The following PTPRD variants were observed in gnomAD, a reference collection of about 807,000 sequenced individuals.
PTPRD encodes the protein protein tyrosine phosphatase receptor type D.
Under a neutral mutation model 214.5 loss-of-function variants are expected in PTPRD, and 34 were observed. The ratio of observed to expected loss-of-function variants is 0.16; its 90% CI spans 0.12 to 0.21. The LOEUF (loss-of-function observed/expected upper bound fraction) is 0.21, where lower values mean the gene tolerates loss of function less well. Ranked by LOEUF, PTPRD falls within the 10% of genes least tolerant of loss-of-function variation. The pLI, the probability that PTPRD is intolerant of heterozygous loss-of-function variation, is 1.00. For synonymous variants in PTPRD, 1,128 were observed against 845.7 expected, an observed-to-expected ratio of 1.33 and a Z score of -5.79; for missense variants, 2,545 against 2,398.7, an observed-to-expected ratio of 1.06 and a Z score of -1.27.
At chr9:8,711,102 C>A (rs1300680258) in intron 12 of PTPRD, among the ~76,000 whole-genome samples, 1 of 151,952 alleles carries the variant, frequency 6.6e-6, no homozygotes, top group African/African-American at 2.4e-5. Flanking sequence ...CATGCCATAA[C>A]TCAACATAAT....
At chr9:8,504,531 G>T in intron 22 of PTPRD, 126 bp from the exon 23 acceptor site, 1 of 1,091,390 alleles carries the variant, frequency 9.2e-7, no homozygotes, top group Non-Finnish European at 1.3e-6. Flanking sequence ...CACCAAAAGA[G>T]TCAATAGTGA....
intron 11 of PTPRD, among the ~76,000 whole-genome samples, chr9:8,931,093 A>G (rs77835962): frequency 0.12 from 17,685 of 152,024 alleles, 1,167 homozygotes; most frequent in South Asian, 0.19. Flanking sequence ...TTATGGGTTT[A>G]GGTCTGACAT....
intron 3 of PTPRD, among the ~76,000 whole-genome samples, chr9:10,290,359 G>A (rs764366715): frequency 5.3e-5 from 8 of 152,012 alleles, no homozygotes; most frequent in Non-Finnish European, 1.2e-4. Flanking sequence ...ATACTGCAAC[G>A]ATCTAAAGGA....
intron 9 of PTPRD, among the ~76,000 whole-genome samples, chr9:9,234,858 C>A (rs1335487706): frequency 6.6e-6 from 1 of 152,190 alleles, no homozygotes; most frequent in African/African-American, 2.4e-5. Flanking sequence ...TCCAGACTTT[C>A]CTACATCTTC....
chr9:9,141,565 T>C (rs1167428516), intron 10 of PTPRD, among the ~76,000 whole-genome samples: 1 of 151,806 alleles, frequency 6.6e-6, no homozygotes. Flanking sequence ...TATACTGTTC[T>C]CCTTAGCCAC....
At chr9:8,348,907 T>G (rs2133054358) in intron 39 of PTPRD, among the ~76,000 whole-genome samples, 2 of 152,286 alleles carry the variant, frequency 1.3e-5, no homozygotes, top group Middle Eastern at 6.8e-3. Context: ...CTGCCTTACT[T>G]TAGTTTTGTT....
chr9:9,368,721 G>A (rs1258555785), intron 9 of PTPRD, among the ~76,000 whole-genome samples: 1 of 151,758 alleles, frequency 6.6e-6, no homozygotes, highest in Non-Finnish European at 1.5e-5. Flanking sequence ...CCTATTTTTA[G>A]GGTATTACAA....
intron 9 of PTPRD, among the ~76,000 whole-genome samples, chr9:9,267,059 T>A (rs2132501293): frequency 6.6e-6 from 1 of 151,326 alleles, no homozygotes; most frequent in South Asian, 2.1e-4. Context: ...GCTAGAGTGA[T>A]GAAGAAATAT....
At chr9:9,229,954 G>C (rs924925182) in intron 9 of PTPRD, among the ~76,000 whole-genome samples, 2 of 151,950 alleles carry the variant, frequency 1.3e-5, no homozygotes, top group Admixed American at 6.6e-5. Flanking sequence ...ATTCATTGTT[G>C]AGATTTATTT....
chr9:8,672,765 G>T (rs930389867), intron 12 of PTPRD, among the ~76,000 whole-genome samples: 1 of 137,090 alleles, frequency 7.3e-6, no homozygotes, highest in Non-Finnish European at 1.5e-5. Context: ...TTTAGTTAAG[G>T]ACCTAAATAT....
intron 10 of PTPRD, among the ~76,000 whole-genome samples, chr9:9,126,346 T>G (rs1388782627): frequency 6.6e-6 from 1 of 152,198 alleles, no homozygotes; most frequent in Non-Finnish European, 1.5e-5. Flanking sequence ...GAAGGAACAC[T>G]GTCCAATAGG....
In PTPRD at chr9:8,465,693, G is replaced by C; in HGVS notation, c.3505-18C>G. ...TTAAGCAGCTTAAGGAAAAAAGTGG[G>C]AAACAGAAAAAGAACTGTAAATAAT... On this transcript the variant is annotated intron_variant, in intron 31 of 45. Coordinates refer to ENST00000381196, the MANE Select transcript of PTPRD (RefSeq NM_002839.4). 1 of 1,584,522 alleles carries C rather than the reference G, an allele frequency of 6.3e-7. No homozygotes were observed.
At chr9:9,485,227 T>C (rs371325924) in intron 8 of PTPRD, among the ~76,000 whole-genome samples, 1 of 152,178 alleles carries the variant, frequency 6.6e-6, no homozygotes, top group Non-Finnish European at 1.5e-5. Context: ...AATTGAAGCA[T>C]AATCCACTAA....
At chr9:9,718,764 G>T (rs1323948218) in intron 7 of PTPRD, among the ~76,000 whole-genome samples, 1 of 152,168 alleles carries the variant, frequency 6.6e-6, no homozygotes, top group Non-Finnish European at 1.5e-5. Flanking sequence ...TGCTGTCTTG[G>T]CCCCCTCTGG....
At chr9:9,964,745 T>A (rs1344941304) in intron 4 of PTPRD, among the ~76,000 whole-genome samples, 2 of 152,302 alleles carry the variant, frequency 1.3e-5, no homozygotes, top group East Asian at 3.9e-4. Context: ...TTTATCTCCA[T>A]TGCTTATAAC....
intron 2 of PTPRD, among the ~76,000 whole-genome samples, chr9:10,489,363 C>T (rs1589308511): frequency 1.3e-5 from 2 of 152,280 alleles, no homozygotes; most frequent in African/African-American, 4.8e-5. Context: ...ACCTTTCCCT[C>T]TATTCTCCTC....
At chr9:9,254,139 T>C (rs547878515) in intron 9 of PTPRD, among the ~76,000 whole-genome samples, 1 of 152,218 alleles carries the variant, frequency 6.6e-6, no homozygotes, top group Non-Finnish European at 1.5e-5. Flanking sequence ...GCAAAGACTT[T>C]TTCCCAAATA....
chr9:10,521,676 C>A (rs1445203574), intron 2 of PTPRD, among the ~76,000 whole-genome samples: 2 of 152,100 alleles, frequency 1.3e-5, no homozygotes, highest in African/African-American at 2.4e-5. Context: ...CTTCGACAAC[C>A]ACCACCCAGA....
intron 7 of PTPRD, among the ~76,000 whole-genome samples, chr9:9,706,812 A>G (rs1400723680): frequency 6.6e-6 from 1 of 152,136 alleles, no homozygotes; most frequent in Non-Finnish European, 1.5e-5. Flanking sequence ...AAGATGCAAA[A>G]GAACAAAAGC....
Sources: allele counts gnomAD v4.1 joint callset (sites outside exome capture counted in the v4.1 genomes callset), GRCh38; gene constraint gnomAD v4.1.1; transcripts MANE v1.5; gene names NCBI Gene and HGNC (gene_info 2026-07-23, HGNC 2026-07-21).